TMEM229B: variants seen among roughly 807,000 people sequenced by gnomAD.
The protein encoded by TMEM229B is transmembrane protein 229B.
A neutral mutation model predicts 13.7 loss-of-function variants in TMEM229B; 6 were observed. The ratio of observed to expected loss-of-function variants is 0.44; its 90% CI spans 0.24 to 0.86. The LOEUF (loss-of-function observed/expected upper bound fraction) is 0.86, where lower values mean the gene tolerates loss of function less well. Among genes scored for constraint, TMEM229B ranks in the 40% least tolerant of loss-of-function variants. The pLI is 0.23. For missense variants in TMEM229B, 170 were observed against 236.0 expected, an observed-to-expected ratio of 0.72 and a Z score of 1.83; for synonymous variants, 107 against 102.1, an observed-to-expected ratio of 1.05 and a Z score of -0.29.
chr14:67,493,474 G>A (rs116807406), upstream of TMEM229B, among the ~76,000 whole-genome samples: 2,374 of 152,304 alleles, frequency 0.016, 46 homozygotes, highest in African/African-American at 0.052. Context: ...TTTGTTCAGT[G>A]TGCTCTCGTG....
upstream of TMEM229B, among the ~76,000 whole-genome samples, chr14:67,515,840 C>A (rs1479163042): frequency 6.7e-6 from 1 of 150,072 alleles, no homozygotes; most frequent in East Asian, 2.0e-4. Flanking sequence ...TGTGGACCTG[C>A]GGTCAGTTCA....
At chr14:67,511,508 G>GA (rs1338153714) in intron 1 of TMEM229B, among the ~76,000 whole-genome samples, 3 of 152,010 alleles carry the variant, frequency 2.0e-5, no homozygotes, top group Non-Finnish European at 2.9e-5. Flanking sequence ...CGAGAATCCC[G>GA]AAAAAAATAT....
intron 1 of TMEM229B, among the ~76,000 whole-genome samples, chr14:67,496,571 A>G (rs1398244445): frequency 1.3e-5 from 2 of 151,736 alleles, no homozygotes; most frequent in African/African-American, 4.9e-5. Flanking sequence ...CTGCTGGAAG[A>G]GAAGTAGACG....
intron 1 of TMEM229B, among the ~76,000 whole-genome samples, chr14:67,524,012 A>G (rs1177841922): frequency 6.6e-6 from 1 of 152,184 alleles, no homozygotes; most frequent in Non-Finnish European, 1.5e-5. Context: ...CTGGAACTGC[A>G]TGTCTGTGTT....
chr14:67,493,574 G>A (rs1036353503), upstream of TMEM229B, among the ~76,000 whole-genome samples: 1 of 152,134 alleles, frequency 6.6e-6, no homozygotes, highest in South Asian at 2.1e-4. Flanking sequence ...TTCACTTTGC[G>A]ACACCAAGCT....
At chr14:67,492,007 C>A (rs2032190698), upstream of TMEM229B, among the ~76,000 whole-genome samples, 2 of 152,182 alleles carry the variant, frequency 1.3e-5, no homozygotes, top group South Asian at 4.1e-4. Context: ...AGCTGCATTG[C>A]CCCACCTGCC....
At chr14:67,482,027 T>A (rs1053149904) in intron 2 of TMEM229B, among the ~76,000 whole-genome samples, 1 of 152,166 alleles carries the variant, frequency 6.6e-6, no homozygotes, top group Non-Finnish European at 1.5e-5. Context: ...CAAGCAGGGT[T>A]TCATTGAACA....
chr14:67,506,781 C>A (rs1409811421), intron 1 of TMEM229B, among the ~76,000 whole-genome samples: 1 of 152,100 alleles, frequency 6.6e-6, no homozygotes, highest in Non-Finnish European at 1.5e-5. Flanking sequence ...GTAAAGAGAT[C>A]GAGACCATCC....
In TMEM229B at chr14:67,488,638, A is replaced by C. The variant is rs1323121627; in HGVS notation, c.-322T>G. ...TCTCTCCACCAGCACCACAAGGACC[A>C]TGTGCCTGGGGAGTTCAATCCCACC... On this transcript the variant is annotated 5_prime_UTR_variant, in exon 1 of 3. An upstream start codon of the reference 5' UTR is lost. Coordinates refer to ENST00000554480, the MANE Select transcript of TMEM229B (RefSeq NM_001348543.2). 6.6e-6 allele frequency: 1 copy of C among 152,484 alleles called. No individual in the cohort carries two copies. Among genetic ancestry groups the C allele is most frequent in the African/African-American group, 2.4e-5 (1 of 41,480 alleles). The allele number at this position is 152,484 out of a possible 1,614,324, so 9.4% of individuals were successfully genotyped here.
chr14:67,478,862 C>T (rs1406286953), intron 2 of TMEM229B, among the ~76,000 whole-genome samples: 2 of 152,172 alleles, frequency 1.3e-5, no homozygotes, highest in African/African-American at 2.4e-5. Context: ...CATCTGAACG[C>T]CAGCACCAGC....
At chr14:67,526,341 C>A (rs1334574909) in intron 1 of TMEM229B, among the ~76,000 whole-genome samples, 3 of 152,228 alleles carry the variant, frequency 2.0e-5, no homozygotes, top group African/African-American at 7.2e-5. Flanking sequence ...CTCTTCCTGT[C>A]CCCTGCCCGT....
At chr14:67,510,874 C>T (rs2033002730) in intron 1 of TMEM229B, among the ~76,000 whole-genome samples, 1 of 152,184 alleles carries the variant, frequency 6.6e-6, no homozygotes, top group African/African-American at 2.4e-5. Flanking sequence ...GCAAGGTGGG[C>T]TTCTCGCTGC....
At chr14:67,522,058 C>T (rs1307402031) in intron 1 of TMEM229B, among the ~76,000 whole-genome samples, 2 of 152,172 alleles carry the variant, frequency 1.3e-5, no homozygotes, top group African/African-American at 4.8e-5. Flanking sequence ...CCTGTTATCC[C>T]AGCTACTGGG....
At chr14:67,480,960 G>A (rs1264240738) in intron 2 of TMEM229B, among the ~76,000 whole-genome samples, 1 of 152,196 alleles carries the variant, frequency 6.6e-6, no homozygotes, top group Non-Finnish European at 1.5e-5. Context: ...AGGGGTAGCT[G>A]TCAAAGGGAG....
At chr14:67,488,999 C>T (rs185930279), upstream of TMEM229B, among the ~76,000 whole-genome samples, 10 of 152,206 alleles carry the variant, frequency 6.6e-5, no homozygotes, top group Admixed American at 6.5e-4. Flanking sequence ...ACTGACACTC[C>T]CTATCCCCCA....
At chr14:67,530,395 A>C (rs996705799) in intron 1 of TMEM229B, among the ~76,000 whole-genome samples, 62 of 152,186 alleles carry the variant, frequency 4.1e-4, no homozygotes, top group Admixed American at 3.8e-3. Context: ...GCCAGTTCCA[A>C]GTTCCCCTTT....
upstream of TMEM229B, among the ~76,000 whole-genome samples, chr14:67,489,882 T>C (rs555612379): frequency 5.3e-5 from 8 of 151,816 alleles, no homozygotes; most frequent in East Asian, 1.9e-4. Context: ...CCCAGCTACT[T>C]GGGAGGCTGA....
At chr14:67,502,320 G>A (rs938913686) in intron 1 of TMEM229B, among the ~76,000 whole-genome samples, 1 of 150,416 alleles carries the variant, frequency 6.6e-6, no homozygotes, top group African/African-American at 2.5e-5. Flanking sequence ...AACAGAGTGA[G>A]ACTCCATCTC....
chr14:67,490,153 A>G (rs891586753), upstream of TMEM229B, among the ~76,000 whole-genome samples: 1 of 152,208 alleles, frequency 6.6e-6, no homozygotes, highest in East Asian at 1.9e-4. Context: ...TACTAATCAA[A>G]CATAGCAATG....
Sources: allele counts gnomAD v4.1 joint callset (sites outside exome capture counted in the v4.1 genomes callset), GRCh38; gene constraint gnomAD v4.1.1; transcripts MANE v1.5; gene names NCBI Gene and HGNC (gene_info 2026-07-23, HGNC 2026-07-21).